The following CDH13 variants were observed in gnomAD, a reference collection of about 807,000 sequenced individuals.
CDH13 encodes the protein cadherin-13.
CDH13 carries 24 observed loss-of-function variants against 63.8 expected under a neutral mutation model. The observed-to-expected ratio is 0.38, with a 90% CI of 0.27 to 0.53. The LOEUF (loss-of-function observed/expected upper bound fraction) is 0.53. CDH13 is among the 20% of genes least tolerant of loss of function. The pLI is 0.85. For missense variants in CDH13, 1,049 were observed against 903.1 expected (o/e 1.16, Z -2.07); for synonymous variants, 503 against 355.3 (o/e 1.42, Z -4.67).
At chr16:83,339,169 T>A (rs1176302894) in intron 5 of CDH13, among the ~76,000 whole-genome samples, 2 of 152,060 alleles carry the variant, frequency 1.3e-5, no homozygotes, top group Non-Finnish European at 2.9e-5. Context: ...GGGCAGGATA[T>A]GTTGATAGAG....
intron 2 of CDH13, among the ~76,000 whole-genome samples, chr16:82,938,548 T>C (rs2042738507): frequency 6.6e-6 from 1 of 152,176 alleles, no homozygotes; most frequent in Admixed American, 6.5e-5. Context: ...GCAGGGGCCT[T>C]CTGAGAGGCC....
At chr16:83,664,437 C>A (rs566641482) in intron 8 of CDH13, among the ~76,000 whole-genome samples, 9 of 151,808 alleles carry the variant, frequency 5.9e-5, no homozygotes, top group Non-Finnish European at 8.8e-5. Flanking sequence ...ATTGAATGAG[C>A]TTTATGTAGA....
Position 83,027,631 on chromosome 16 carries a change from C to T in CDH13, c.158-4379C>T, listed in dbSNP as rs140367023. On this transcript the variant is annotated intron_variant, in intron 2 of 13. Transcript: ENST00000567109. ...TGAAGATCCATAATTATATGAGACT[C>T]AGGTGGAGAAAAGCTGGTCTTATAG... Among the ~76,000 whole-genome samples, 22 of 152,274 alleles carry T rather than the reference C, an allele frequency of 1.4e-4. No homozygotes were observed. The East Asian group carries it at 4.1e-3, about 28-fold the overall frequency.
At chr16:83,386,268 T>C (rs1237061428) in intron 6 of CDH13, among the ~76,000 whole-genome samples, 2 of 152,162 alleles carry the variant, frequency 1.3e-5, no homozygotes, top group East Asian at 3.9e-4. Context: ...CTTGACCGAA[T>C]CCAGCATCAG....
chr16:83,300,747 G>A (rs2089714791), intron 5 of CDH13, among the ~76,000 whole-genome samples: 1 of 152,200 alleles, frequency 6.6e-6, no homozygotes. Flanking sequence ...TATAGATCAT[G>A]ATTTATGCAG....
At chr16:82,783,843 G>A (rs1478694190) in intron 1 of CDH13, among the ~76,000 whole-genome samples, 1 of 152,122 alleles carries the variant, frequency 6.6e-6, no homozygotes, top group African/African-American at 2.4e-5. Context: ...TGGTAATCAG[G>A]CTCTCTGCAT....
chr16:83,467,979 C>T (rs1446891452), intron 6 of CDH13, among the ~76,000 whole-genome samples: 1 of 152,180 alleles, frequency 6.6e-6, no homozygotes, highest in Non-Finnish European at 1.5e-5. Context: ...TTTTTCTCCT[C>T]TGGTTCCATT....
At chr16:82,902,289 C>T (rs987298562) in intron 2 of CDH13, among the ~76,000 whole-genome samples, 1 of 151,778 alleles carries the variant, frequency 6.6e-6, no homozygotes, top group Non-Finnish European at 1.5e-5. Context: ...ATTATCAAAA[C>T]TACTGGGGAG....
chr16:83,398,528 G>T (rs1382519122), intron 6 of CDH13, among the ~76,000 whole-genome samples: 3 of 152,118 alleles, frequency 2.0e-5, no homozygotes, highest in African/African-American at 7.2e-5. Flanking sequence ...CATCTGCAAA[G>T]ACACACCCCC....
At chr16:82,861,384 C>G (rs1169253960) in intron 2 of CDH13, among the ~76,000 whole-genome samples, 3 of 152,176 alleles carry the variant, frequency 2.0e-5, no homozygotes, top group African/African-American at 7.2e-5. Context: ...ACACTCTTCA[C>G]TTTTCTTTAA....
chr16:83,653,730 T>C (rs1028157912), intron 8 of CDH13, among the ~76,000 whole-genome samples: 3 of 152,186 alleles, frequency 2.0e-5, no homozygotes, highest in African/African-American at 7.2e-5. Context: ...GCTTTATTTT[T>C]CTTCAAATAA....
At chr16:83,520,451 C>T (rs1226100008) in intron 7 of CDH13, among the ~76,000 whole-genome samples, 1 of 152,090 alleles carries the variant, frequency 6.6e-6, no homozygotes, top group Non-Finnish European at 1.5e-5. Context: ...TGGATATATA[C>T]TTAAGTGGGC....
intron 4 of CDH13, among the ~76,000 whole-genome samples, chr16:83,128,597 C>T (rs142924461): frequency 6.6e-6 from 1 of 152,240 alleles, no homozygotes; most frequent in South Asian, 2.1e-4. Context: ...CCAAATCTGT[C>T]ATGTCCAGAT....
At chr16:83,053,461 C>G (rs527861353) in intron 3 of CDH13, among the ~76,000 whole-genome samples, 116 of 152,006 alleles carry the variant, frequency 7.6e-4, no homozygotes, top group African/African-American at 2.7e-3. Context: ...GAAGATTTAT[C>G]AAGGTAAAGT....
intron 1 of CDH13, among the ~76,000 whole-genome samples, chr16:82,832,680 A>T (rs1296067423): frequency 6.6e-6 from 1 of 152,060 alleles, no homozygotes; most frequent in Admixed American, 6.6e-5. Context: ...TATAGCAACG[A>T]TATGAAATTG....
At chr16:83,163,896 G>A (rs6565145) in intron 4 of CDH13, among the ~76,000 whole-genome samples, 33,150 of 151,940 alleles carry the variant, frequency 0.22, 5,007 homozygotes, top group African/African-American at 0.43. Flanking sequence ...ATAAAACCTC[G>A]TCGCTGTCAA....
intron 11 of CDH13, among the ~76,000 whole-genome samples, chr16:83,771,742 G>C (rs1326975304): frequency 6.6e-6 from 1 of 152,192 alleles, no homozygotes; most frequent in Non-Finnish European, 1.5e-5. Flanking sequence ...ACTGAAAATG[G>C]GTCGGAAGGA....
intron 8 of CDH13, among the ~76,000 whole-genome samples, chr16:83,603,121 G>T (rs1249194223): frequency 6.6e-6 from 1 of 152,278 alleles, no homozygotes; most frequent in African/African-American, 2.4e-5. Flanking sequence ...CATGGTTGTT[G>T]TTTCCCATTT....
chr16:83,438,964 T>C (rs1176018926), intron 6 of CDH13, among the ~76,000 whole-genome samples: 34 of 152,084 alleles, frequency 2.2e-4, no homozygotes, highest in Admixed American at 2.2e-3. Context: ...TCCTCATCAC[T>C]AGCTTAGAGC....
Sources: gnomAD v4.1 joint callset for allele counts (sites outside exome capture counted in the v4.1 genomes callset) on GRCh38, gnomAD v4.1.1 for gene constraint, MANE v1.5 for transcripts, NCBI Gene and HGNC (gene_info 2026-07-23, HGNC 2026-07-21) for gene names.